Variants in BACH2 observed in about 807,000 individuals in gnomAD.
The protein encoded by BACH2 is transcription regulator protein BACH2.
BACH2 carries 5 observed loss-of-function variants against 61.8 expected under a neutral mutation model. The observed-to-expected ratio is 0.08, with a 90% CI of 0.04 to 0.17. The LOEUF is 0.17. BACH2 is among the 10% of genes least tolerant of loss of function. BACH2 has a pLI of 1.00. For missense variants in BACH2, 824 were observed against 1,091.1 expected (o/e 0.76, Z 3.45); for synonymous variants, 446 against 440.1 (o/e 1.01, Z -0.17).
intron 3 of BACH2, among the ~76,000 whole-genome samples, chr6:90,240,552 C>A (rs960136974): frequency 1.3e-5 from 2 of 152,156 alleles, no homozygotes; most frequent in African/African-American, 4.8e-5. Context: ...TCCTCAGCCC[C>A]ACTATAATGG....
At chr6:89,996,163 C>A (rs765417259) in intron 6 of BACH2, among the ~76,000 whole-genome samples, 1 of 152,192 alleles carries the variant, frequency 6.6e-6, no homozygotes, top group Non-Finnish European at 1.5e-5. Context: ...ACTACGGATA[C>A]GTATCAAGGC....
chr6:89,960,094 A>C (rs1231302882), intron 6 of BACH2, among the ~76,000 whole-genome samples: 1 of 152,096 alleles, frequency 6.6e-6, no homozygotes, highest in Admixed American at 6.5e-5. Flanking sequence ...GGTCCCTTTC[A>C]TCCCCTCCAG....
chr6:90,161,703 ATCAGAATGCTTAGCAAC>A (rs961009927), intron 4 of BACH2, among the ~76,000 whole-genome samples: 17 of 152,282 alleles, frequency 1.1e-4, no homozygotes, highest in African/African-American at 4.1e-4. Flanking sequence ...GAAAAAAAAT[ATCAGAATGCTTAGCAAC>A]TCAGAATGCT....
chr6:90,277,514 T>C (rs1771731514), intron 1 of BACH2, among the ~76,000 whole-genome samples: 1 of 152,146 alleles, frequency 6.6e-6, no homozygotes, highest in Non-Finnish European at 1.5e-5. Context: ...GCCTGAGGGA[T>C]TTCTAGGGCG....
At chr6:90,086,974 C>G (rs1257157691) in intron 5 of BACH2, among the ~76,000 whole-genome samples, 1 of 152,166 alleles carries the variant, frequency 6.6e-6, no homozygotes, top group Non-Finnish European at 1.5e-5. Flanking sequence ...CCCTGTTACC[C>G]TTTGGGCAGC....
intron 5 of BACH2, among the ~76,000 whole-genome samples, chr6:90,009,221 G>T (rs1441459254): frequency 6.6e-6 from 1 of 152,212 alleles, no homozygotes; most frequent in Admixed American, 6.5e-5. Flanking sequence ...AATTTCACAT[G>T]TAAATAGCCT....
intron 1 of BACH2, among the ~76,000 whole-genome samples, chr6:90,280,323 A>T (rs1044592008): frequency 1.3e-5 from 2 of 151,976 alleles, no homozygotes; most frequent in African/African-American, 4.9e-5. Context: ...AAGAAAATAC[A>T]ACGTTATGTA....
Position 90,047,380 on chromosome 6 carries a change from T to C in BACH2, c.-12-38524A>G, listed in dbSNP as rs76542533. Among the ~76,000 whole-genome samples, 11 of 152,276 alleles carry C rather than the reference T, an allele frequency of 7.2e-5. No homozygotes were observed. In the East Asian group the frequency reaches 2.1e-3, roughly 29 times the overall value. On this transcript the variant is annotated intron_variant, in intron 5 of 8. Transcript: ENST00000257749. The stretch of plus-strand genomic sequence containing the variant: ...GTGAGAATCCAATGTCAGCTAGAGT[T>C]ATACTGGCACGTCCATGGTCCTGGA...
At chr6:89,972,959 G>A (rs539547742) in intron 6 of BACH2, among the ~76,000 whole-genome samples, 2 of 152,170 alleles carry the variant, frequency 1.3e-5, no homozygotes, top group East Asian at 1.9e-4. Context: ...GCATGGTGGC[G>A]GGCACCTGTA....
At chr6:90,165,923 A>G (rs1347597605) in intron 4 of BACH2, among the ~76,000 whole-genome samples, 3 of 152,202 alleles carry the variant, frequency 2.0e-5, no homozygotes, top group African/African-American at 7.2e-5. Flanking sequence ...TGGATTAAAG[A>G]CTTAAAATGT....
intron 4 of BACH2, among the ~76,000 whole-genome samples, chr6:90,164,601 T>A (rs1202554633): frequency 4.0e-5 from 6 of 151,554 alleles, no homozygotes; most frequent in East Asian, 1.9e-4. Context: ...CCTGGCAGAG[T>A]CACAACCAAA....
Position 90,169,213 on chromosome 6 carries a change from T to A in BACH2, c.-162+37356A>T, listed in dbSNP as rs185671117. On this transcript the variant is annotated intron_variant, in intron 4 of 8. Transcript: ENST00000257749. Reference sequence around the variant, plus strand: ...TCTGAACTTTTTCCCAATAAACATCTGTTATTTTTTACAATTAGAAAAACC... The same window carrying A: ...TCTGAACTTTTTCCCAATAAACATCAGTTATTTTTTACAATTAGAAAAACC... Among the ~76,000 whole-genome samples the A allele has an allele frequency of 2.0e-3, 308 of 152,176 alleles. 3 individuals carry two copies. The highest frequency in any genetic ancestry group is 6.8e-3 in the African/African-American group (282 of 41,516).
chr6:90,286,940 A>C (rs1303475905), intron 1 of BACH2, among the ~76,000 whole-genome samples: 1 of 152,206 alleles, frequency 6.6e-6, no homozygotes, highest in Non-Finnish European at 1.5e-5. Context: ...AGGTATAACT[A>C]AACTGCAAAA....
intron 4 of BACH2, among the ~76,000 whole-genome samples, chr6:90,108,591 TCAGCCTGA>T (rs1435343087): frequency 1.2e-5 from 1 of 82,258 alleles, no homozygotes; most frequent in Non-Finnish European, 3.8e-5. Context: ...CAGCCTGAGA[TCAGCCTGA>T]GATCAGACAG....
At chr6:90,204,620 C>T (rs946286861) in intron 4 of BACH2, among the ~76,000 whole-genome samples, 17 of 152,158 alleles carry the variant, frequency 1.1e-4, no homozygotes, top group African/African-American at 4.1e-4. Context: ...GAATCCATGA[C>T]ATTAGATGTT....
intron 1 of BACH2, among the ~76,000 whole-genome samples, chr6:90,290,582 T>C (rs907689036): frequency 6.6e-6 from 1 of 152,078 alleles, no homozygotes; most frequent in Admixed American, 6.5e-5. Flanking sequence ...AAAAGAAAAA[T>C]TGCCAAAAAT....
intron 6 of BACH2, among the ~76,000 whole-genome samples, chr6:89,983,883 C>T (rs1022488281): frequency 3.9e-5 from 6 of 152,134 alleles, no homozygotes; most frequent in African/African-American, 1.4e-4. Context: ...AATGGTTATA[C>T]AGTTATAGGG....
At chr6:89,972,199 G>T (rs1775400226) in intron 6 of BACH2, among the ~76,000 whole-genome samples, 1 of 152,256 alleles carries the variant, frequency 6.6e-6, no homozygotes, top group South Asian at 2.1e-4. Flanking sequence ...GCCGAGGCTG[G>T]CCCAGGGGCC....
intron 5 of BACH2, among the ~76,000 whole-genome samples, chr6:90,023,690 G>A (rs1481497127): frequency 6.6e-6 from 1 of 152,150 alleles, no homozygotes; most frequent in Non-Finnish European, 1.5e-5. Flanking sequence ...GCCTTTGGGA[G>A]TGATTGGGTT....
Sources: gnomAD v4.1 joint callset for allele counts (sites outside exome capture counted in the v4.1 genomes callset) on GRCh38, gnomAD v4.1.1 for gene constraint, MANE v1.5 for transcripts, NCBI Gene and HGNC (gene_info 2026-07-23, HGNC 2026-07-21) for gene names.